The following KDM2A variants were observed in gnomAD, a reference collection of about 807,000 sequenced individuals.
The protein encoded by KDM2A is lysine-specific demethylase 2A.
In KDM2A, 3 loss-of-function variants were observed where a neutral mutation model predicts 137.3. The ratio of observed to expected loss-of-function variants is 0.02; its 90% CI spans 0.01 to 0.06. The LOEUF is 0.06. KDM2A is among the 10% of genes least tolerant of loss of function. The probability of loss-of-function intolerance (pLI) is 1.00; values close to 1 mark genes in which losing one functional copy is unlikely to be tolerated. For synonymous variants in KDM2A, 512 were observed against 541.5 expected (o/e 0.95, Z 0.76); for missense variants, 738 against 1,510.6 (o/e 0.49, Z 8.48).
chr11:67,214,764 G>T (rs1269636942), intron 6 of KDM2A, among the ~76,000 whole-genome samples: 2 of 152,198 alleles, frequency 1.3e-5, no homozygotes, highest in Non-Finnish European at 2.9e-5. Flanking sequence ...GAGCCACTGT[G>T]CCTGGTCTAT....
rs1207477143 is a variant in KDM2A at position 67,188,790 on chromosome 11, CAAAAAAA to C, written c.307+6912_307+6918del. 4.1e-5 allele frequency among the ~76,000 whole-genome samples: 3 copies of C among 73,806 alleles called. No homozygotes were observed. The South Asian group carries it at 1.4e-3, about 34-fold the overall frequency. The allele number at this position is 73,806 out of a possible 152,430, so 48.4% of individuals were successfully genotyped here. ...TGGGTGACAGAGCAAGACACTGTCT[CAAAAAAA>C]AAAAAAAAAAAAATGTTTCAAGAGG... is the stretch of plus-strand genomic sequence containing the variant. On this transcript the variant is annotated intron_variant, in intron 5 of 20. Coordinates refer to ENST00000529006, the MANE Select transcript of KDM2A (RefSeq NM_012308.3).
Position 67,254,478 on chromosome 11 carries a change from C to G in KDM2A, c.3307+60C>G. On this transcript the variant is annotated intron_variant, in intron 20 of 20. Coordinates refer to ENST00000529006, the MANE Select transcript of KDM2A (RefSeq NM_012308.3). The surrounding 1 kb of genome is among the most constrained non-coding windows in gnomAD (Gnocchi z 4.7). The stretch of plus-strand genomic sequence containing the variant: ...CCCCTGCCTCCAGCCCTCCCTGGAA[C>G]TTGATCAGTAAACCAGAATGACCTT... 1 of 1,428,840 alleles carries G rather than the reference C, an allele frequency of 7.0e-7. No individual in the cohort carries two copies. The highest frequency in any genetic ancestry group is 9.8e-7 in the Non-Finnish European group (1 of 1,016,264). 88.5% of individuals were successfully genotyped at this position (1,428,840 alleles called of 1,614,324 possible).
intron 2 of KDM2A, among the ~76,000 whole-genome samples, chr11:67,125,942 CAAAAAAAAAAAA>C (rs59801773): frequency 2.0e-5 from 1 of 50,436 alleles, no homozygotes. Flanking sequence ...GGCTTCACCT[CAAAAAAAAAAAA>C]AAAAAAAAAG....
At chr11:67,162,649 GC>G (rs1856659531) in intron 2 of KDM2A, among the ~76,000 whole-genome samples, 2 of 151,682 alleles carry the variant, frequency 1.3e-5, no homozygotes, top group South Asian at 4.2e-4. Flanking sequence ...CAAGTGATCC[GC>G]CCGCCTCGGC....
chr11:67,157,466 C>T (rs557218808), intron 2 of KDM2A, among the ~76,000 whole-genome samples: 2 of 151,152 alleles, frequency 1.3e-5, no homozygotes, highest in Non-Finnish European at 3.0e-5. Flanking sequence ...ATCTTGTGGC[C>T]GGGTGCAGTG....
chr11:67,194,244 G>C (rs1565397779), intron 5 of KDM2A, among the ~76,000 whole-genome samples: 1 of 152,106 alleles, frequency 6.6e-6, no homozygotes, highest in African/African-American at 2.4e-5. Flanking sequence ...TGGTCTTGTG[G>C]AACAGCTGAG....
At chr11:67,155,364 A>G (rs997042761) in intron 2 of KDM2A, among the ~76,000 whole-genome samples, 1 of 150,646 alleles carries the variant, frequency 6.6e-6, no homozygotes, top group Non-Finnish European at 1.5e-5. Context: ...GAGTGCAAGC[A>G]GTGGACTGAT....
At chr11:67,185,689 C>T (rs1857186372) in intron 5 of KDM2A, among the ~76,000 whole-genome samples, 2 of 151,400 alleles carry the variant, frequency 1.3e-5, no homozygotes, top group East Asian at 1.9e-4. Flanking sequence ...AATTGAATTG[C>T]CATTGTGACA....
Position 67,254,777 on chromosome 11 carries a change from T to G in KDM2A, c.3308-97T>G. On this transcript the variant is annotated intron_variant, in intron 20 of 20. Coordinates refer to ENST00000529006, the MANE Select transcript of KDM2A (RefSeq NM_012308.3). The surrounding 1 kb of genome is among the most constrained non-coding windows in gnomAD (Gnocchi z 4.7). ...GTAGTTGTGGGACAAAGAGGGCTTT[T>G]GTTTAGCATTTTGAAGGAAAGACGG... 1 of 1,179,270 alleles carries G rather than the reference T, an allele frequency of 8.5e-7. No homozygotes were observed. Among genetic ancestry groups the G allele is most frequent in the African/African-American group, 1.5e-5 (1 of 65,868 alleles). 73.1% of individuals were successfully genotyped at this position (1,179,270 alleles called of 1,614,324 possible).
chr11:67,211,450 C>G (rs902255382), intron 6 of KDM2A, among the ~76,000 whole-genome samples: 3 of 151,754 alleles, frequency 2.0e-5, no homozygotes, highest in Admixed American at 6.6e-5. Flanking sequence ...CCCGCCTCTA[C>G]TAAAAATACA....
intron 5 of KDM2A, among the ~76,000 whole-genome samples, chr11:67,186,014 A>T (rs1857196485): frequency 6.6e-6 from 1 of 152,110 alleles, no homozygotes; most frequent in South Asian, 2.1e-4. Context: ...TGACACCACT[A>T]AGCAGACCAA....
chr11:67,172,403 T>C (rs1159096168), intron 2 of KDM2A, among the ~76,000 whole-genome samples: 4 of 152,226 alleles, frequency 2.6e-5, no homozygotes, highest in Non-Finnish European at 4.4e-5. Context: ...GGCCTTTCAG[T>C]TCATGAACAC....
At chr11:67,188,630 AAAAAAT>A (rs1298532111) in intron 5 of KDM2A, among the ~76,000 whole-genome samples, 1 of 151,908 alleles carries the variant, frequency 6.6e-6, no homozygotes, top group East Asian at 1.9e-4. Flanking sequence ...GTCTCTACCA[AAAAAAT>A]AAAAATAATC....
intron 2 of KDM2A, among the ~76,000 whole-genome samples, chr11:67,133,008 A>G (rs1182307696): frequency 1.3e-5 from 2 of 152,232 alleles, no homozygotes; most frequent in African/African-American, 4.8e-5. Context: ...GATGGATAGC[A>G]GCATGTTATG....
intron 5 of KDM2A, among the ~76,000 whole-genome samples, chr11:67,191,582 A>G (rs574692939): frequency 3.9e-5 from 6 of 152,352 alleles, no homozygotes; most frequent in African/African-American, 1.4e-4. Context: ...GTGAAGGAGG[A>G]AAAAAGTTAC....
chr11:67,164,788 G>A (rs144959250), intron 2 of KDM2A, among the ~76,000 whole-genome samples: 203 of 152,032 alleles, frequency 1.3e-3, no homozygotes, highest in African/African-American at 4.4e-3. Flanking sequence ...TAGTGGAGGT[G>A]GGGTTTCACT....
intron 1 of KDM2A, 82 bp downstream of exon 1, chr11:67,120,131 T>G (rs1327488493): frequency 1.3e-5 from 2 of 152,194 alleles, no homozygotes; most frequent in Non-Finnish European, 2.9e-5. Flanking sequence ...TTCTATCTCT[T>G]TTTCCGATGG....
intron 10 of KDM2A, among the ~76,000 whole-genome samples, chr11:67,224,966 C>T (rs972948011): frequency 2.0e-5 from 3 of 151,184 alleles, no homozygotes; most frequent in Non-Finnish European, 2.9e-5. Flanking sequence ...CCAGGCATCC[C>T]GAGTAGCTGG....
intron 2 of KDM2A, among the ~76,000 whole-genome samples, chr11:67,159,400 A>C (rs1761528315): frequency 6.6e-6 from 1 of 151,998 alleles, no homozygotes; most frequent in Non-Finnish European, 1.5e-5. Flanking sequence ...TGTATAGATT[A>C]ATTTGTTTTC....
Sources: gnomAD v4.1 joint callset for allele counts (sites outside exome capture counted in the v4.1 genomes callset) on GRCh38, gnomAD v4.1.1 for gene constraint, Gnocchi (gnomAD v3.1) non-coding constraint, MANE v1.5 for transcripts, NCBI Gene and HGNC (gene_info 2026-07-23, HGNC 2026-07-21) for gene names.